EBF3: variants seen among roughly 807,000 people sequenced by gnomAD.
The protein encoded by EBF3 is transcription factor COE3.
A neutral mutation model predicts 77.1 loss-of-function variants in EBF3; 18 were observed. The observed-to-expected ratio is 0.23, with a 90% CI of 0.16 to 0.35. The LOEUF is 0.35. Among genes scored for constraint, EBF3 ranks in the 10% least tolerant of loss-of-function variants. EBF3 has a pLI of 1.00. For synonymous variants in EBF3, 350 were observed against 343.5 expected (o/e 1.02, Z -0.21); for missense variants, 558 against 860.0 (o/e 0.65, Z 4.39).
At chr10:129,867,066 G>A (rs1274936194) in intron 10 of EBF3, 75 bp downstream of exon 10, 30 of 1,542,972 alleles carry the variant, frequency 1.9e-5, no homozygotes, top group Admixed American at 1.2e-4. Context: ...CAGTCCTCCC[G>A]TGCCCTCATG....
chr10:129,915,061 T>C (rs1354861589), intron 6 of EBF3, among the ~76,000 whole-genome samples: 4 of 152,180 alleles, frequency 2.6e-5, no homozygotes, highest in Non-Finnish European at 1.5e-5. Flanking sequence ...TTGCTGCTCC[T>C]CACTGTGTGA....
rs111900506 is a variant in EBF3 at position 129,943,677 on chromosome 10, A to AT, written c.554+13580dup. On this transcript the variant is annotated intron_variant, in intron 6 of 16. Coordinates refer to ENST00000440978, the MANE Select transcript of EBF3 (RefSeq NM_001375380.1). This position sits in a 1 kb window ranked among gnomAD's most constrained non-coding sequence, Gnocchi z 8.8. ...TTTCCTCATTTATTTTCCTTCAGAC[A>AT]TTTTTTTTTTACCTCTGCTATGAAT... Among the ~76,000 whole-genome samples the AT allele has an allele frequency of 0.021, 3,118 of 149,700 alleles. 113 individuals carry two copies. The highest frequency in any genetic ancestry group is 0.071 in the African/African-American group (2,909 of 40,878).
At chr10:129,926,955 T>C (rs1229199645) in intron 6 of EBF3, among the ~76,000 whole-genome samples, 1 of 152,192 alleles carries the variant, frequency 6.6e-6, no homozygotes, top group Non-Finnish European at 1.5e-5. Flanking sequence ...ATTCAGGGCT[T>C]CTTGGGACTC....
chr10:129,841,693 T>C lies in EBF3; in HGVS notation c.1372+423A>G, dbSNP rs1337754890. Among the ~76,000 whole-genome samples, 1 of 151,874 alleles carries C rather than the reference T, an allele frequency of 6.6e-6. No homozygotes were observed. The highest frequency in any genetic ancestry group is 1.5e-5 in the Non-Finnish European group (1 of 67,972). ...TGGGATGGGGTGCGGGGTGGGGAAA[T>C]GGGGGTCTGTCTCCATGGATTCGTT... On this transcript the variant is annotated intron_variant, in intron 13 of 16. Transcript: ENST00000440978. The surrounding 1 kb of genome is among the most constrained non-coding windows in gnomAD (Gnocchi z 4.6).
At chr10:129,910,462 G>C (rs1366915644) in intron 6 of EBF3, among the ~76,000 whole-genome samples, 1 of 152,068 alleles carries the variant, frequency 6.6e-6, no homozygotes. Flanking sequence ...CAAGTCAGAA[G>C]TAACTACACT....
intron 10 of EBF3, among the ~76,000 whole-genome samples, chr10:129,860,658 G>A (rs970739048): frequency 2.6e-5 from 4 of 152,176 alleles, no homozygotes; most frequent in African/African-American, 9.7e-5. Context: ...GCCCAAAAGC[G>A]CTTGACTTGT....
chr10:129,948,897 G>T (rs749114607), intron 6 of EBF3, among the ~76,000 whole-genome samples: 1 of 152,142 alleles, frequency 6.6e-6, no homozygotes, highest in Non-Finnish European at 1.5e-5. Context: ...CTGCAGAGCC[G>T]GACGTGTGGT....
At chr10:129,838,437 C>T (rs1394799407) in intron 16 of EBF3, among the ~76,000 whole-genome samples, 1 of 152,232 alleles carries the variant, frequency 6.6e-6, no homozygotes, top group African/African-American at 2.4e-5. Context: ...GTTTCCCCCT[C>T]TGCTTCCAGG....
rs1307513357 is a variant in EBF3 at position 129,962,942 on chromosome 10, C to T, written c.355G>A (p.Gly119Arg). ...CGGCGAGCACGCAGCAGGCACTTACCGTTGCTGTACAATAACTGGAGTTTA... is the reference window on the plus strand; with the variant it reads ...CGGCGAGCACGCAGCAGGCACTTACTGTTGCTGTACAATAACTGGAGTTTA... ...HYKLQLLYSN[G>R]VRTEQDLYVR... Residue 119 changes from glycine to arginine, a missense_variant and splice_region_variant, in exon 3 of 17, where the codon GGA becomes AGA. This residue lies in a region of EBF3 where 84 missense variants were observed against 142.3 expected (regional missense o/e 0.59). Transcript: ENST00000440978. The T allele has an allele frequency of 6.2e-7, 1 of 1,613,972 alleles. No individual in the cohort carries two copies. The highest frequency in any genetic ancestry group is 1.7e-5 in the Admixed American group (1 of 60,020).
intron 6 of EBF3, among the ~76,000 whole-genome samples, chr10:129,895,884 C>T (rs940213186): frequency 9.2e-5 from 14 of 152,042 alleles, no homozygotes; most frequent in African/African-American, 2.9e-4. Flanking sequence ...TGAAAGAATC[C>T]GTAATGTGGG....
At chr10:129,904,956 CA>C (rs1284270205) in intron 6 of EBF3, among the ~76,000 whole-genome samples, 4 of 152,234 alleles carry the variant, frequency 2.6e-5, no homozygotes, top group Non-Finnish European at 5.9e-5. Flanking sequence ...ATTTCTGAAG[CA>C]AAGTCAAATT....
In EBF3 at chr10:129,842,274, G is replaced by A. The variant is rs1850122859; in HGVS notation, c.1214C>T (p.Ala405Val). Residue 405 changes from alanine (A) to valine (V), a missense_variant, in exon 13 of 17, where the codon GCG becomes GTG. Physicochemically the swap from Ala to Val is moderately conservative, Grantham distance 64. Transcript: ENST00000440978. The surrounding 1 kb of genome is among the most constrained non-coding windows in gnomAD (Gnocchi z 4.4). ...GTACAGCGCCTCGGCGATGTCCGCC[G>A]CTCGCTTCAAGATGATCTCCTGCAG... ...HNNQEIILKR[A>V]ADIAEALYSV... 8 of 1,601,572 alleles carry A rather than the reference G, an allele frequency of 5.0e-6. No homozygotes were observed. The highest frequency in any genetic ancestry group is 2.2e-5 in the East Asian group (1 of 44,502).
intron 10 of EBF3, among the ~76,000 whole-genome samples, chr10:129,855,045 G>A (rs1851155997): frequency 6.6e-6 from 1 of 152,200 alleles, no homozygotes; most frequent in Non-Finnish European, 1.5e-5. Flanking sequence ...CCCAGTGCCA[G>A]CGGGGGATGG....
At chr10:129,951,338 T>C (rs1288472984) in intron 6 of EBF3, among the ~76,000 whole-genome samples, 1 of 152,202 alleles carries the variant, frequency 6.6e-6, no homozygotes, top group African/African-American at 2.4e-5. Context: ...GCTCCTCACC[T>C]GATAAGGCTG....
rs2134539224 is a variant in EBF3 at position 129,947,019 on chromosome 10, A to T, written c.554+10239T>A. Among the ~76,000 whole-genome samples the T allele has an allele frequency of 6.6e-6, 1 of 152,240 alleles. No homozygotes were observed. Among genetic ancestry groups the T allele is most frequent in the South Asian group, 2.1e-4 (1 of 4,810 alleles). On this transcript the variant is annotated intron_variant, in intron 6 of 16. Coordinates refer to ENST00000440978, the MANE Select transcript of EBF3 (RefSeq NM_001375380.1). This position sits in a 1 kb window ranked among gnomAD's most constrained non-coding sequence, Gnocchi z 4.5. The stretch of plus-strand genomic sequence containing the variant: ...CTGATGGCGGCTGCCCAGTGGCTGG[A>T]TCGGGCCGATGACCTCGGACAGTGG...
At chr10:129,951,650 A>G (rs1858689889) in intron 6 of EBF3, among the ~76,000 whole-genome samples, 1 of 152,244 alleles carries the variant, frequency 6.6e-6, no homozygotes, top group South Asian at 2.1e-4. Flanking sequence ...CAGGCCTCCT[A>G]GGCCTAGGCC....
At position 129,842,194 on chromosome 10, in the gene EBF3, T is replaced by G; in HGVS notation, c.1294A>C (p.Thr432Pro). Residue 432 changes from threonine to proline, a missense_variant, in exon 13 of 17, where the codon ACG (threonine) becomes CCG (proline). Around this residue, in one of 5 missense-constraint regions of EBF3, gnomAD observed 284 missense variants for 368.3 expected, o/e 0.77. Transcript: ENST00000440978. The surrounding 1 kb of genome is among the most constrained non-coding windows in gnomAD (Gnocchi z 4.4). ...AAGGAGTTGACGCCCATCATGCCCG[T>G]GTGTGCAGGGTTGTTGCCCAGGGTG... is the stretch of plus-strand genomic sequence containing the variant. Reference protein sequence around the residue: ...IPTLGNNPAHTGMMGVNSFSS... With the variant: ...IPTLGNNPAHPGMMGVNSFSS... 1.2e-6 allele frequency: 2 copies of G among 1,614,178 alleles called. No homozygotes were observed. The highest frequency in any genetic ancestry group is 1.1e-5 in the South Asian group (1 of 91,080).
Position 129,861,269 on chromosome 10 carries a change from T to C in EBF3, c.1039+5872A>G, listed in dbSNP as rs1321653445. On this transcript the variant is annotated intron_variant, in intron 10 of 16. Coordinates refer to ENST00000440978, the MANE Select transcript of EBF3 (RefSeq NM_001375380.1). The surrounding 1 kb of genome is among the most constrained non-coding windows in gnomAD (Gnocchi z 4.3). ...CTTGAAATGACCCCAGTGATGGCAGTGGGCCTCACTCCCAGGGGAAGGGGC... is the reference window on the plus strand; with the variant it reads ...CTTGAAATGACCCCAGTGATGGCAGCGGGCCTCACTCCCAGGGGAAGGGGC... Among the ~76,000 whole-genome samples, 3 of 151,958 alleles carry C rather than the reference T, an allele frequency of 2.0e-5. No homozygotes were observed. Among genetic ancestry groups the C allele is most frequent in the Admixed American group, 6.6e-5 (1 of 15,258 alleles).
chr10:129,835,411 A>G lies in EBF3; in HGVS notation c.*2532T>C, dbSNP rs1307622911. The G allele has an allele frequency of 6.6e-6, 1 of 152,310 alleles. No homozygotes were observed. Among genetic ancestry groups the G allele is most frequent in the Non-Finnish European group, 1.5e-5 (1 of 68,050 alleles). The allele number at this position is 152,310 out of a possible 1,614,324, so 9.4% of individuals were successfully genotyped here. ...AGGGTCTTTAACAGTAAAATCTACC[A>G]TTTAGTGAAGTGCTCAGTCTTGAGA... On this transcript the variant is annotated 3_prime_UTR_variant, in exon 17 of 17. Coordinates refer to ENST00000440978, the MANE Select transcript of EBF3 (RefSeq NM_001375380.1).
Sources: allele counts gnomAD v4.1 joint callset (sites outside exome capture counted in the v4.1 genomes callset), GRCh38; gene constraint gnomAD v4.1.1; regional missense constraint gnomAD v4.1.1; non-coding constraint Gnocchi (gnomAD v3.1); transcripts MANE v1.5; gene names NCBI Gene and HGNC (gene_info 2026-07-23, HGNC 2026-07-21).